The following EPHA6 variants were observed in gnomAD, a reference collection of about 807,000 sequenced individuals.
The protein encoded by EPHA6 is EPH receptor A6.
Under a neutral mutation model 112.0 loss-of-function variants are expected in EPHA6, and 50 were observed. That is an observed-to-expected ratio of 0.45 (90% CI 0.36 to 0.56). The LOEUF is 0.56. Among genes scored for constraint, EPHA6 ranks in the 20% least tolerant of loss-of-function variants. EPHA6 has a pLI of 0.00. For missense variants in EPHA6, 1,280 were observed against 1,417.4 expected, an observed-to-expected ratio of 0.90 and a Z score of 1.56; for synonymous variants, 529 against 490.7, an observed-to-expected ratio of 1.08 and a Z score of -1.03.
In EPHA6 at chr3:96,855,480, CAGTT is replaced by C. The variant is rs1471698258; in HGVS notation, c.386-11343_386-11340del. Among the ~76,000 whole-genome samples, 4 of 151,506 alleles carry C rather than the reference CAGTT, an allele frequency of 2.6e-5. No individual in the cohort carries two copies. The East Asian group carries it at 7.8e-4, about 29-fold the overall frequency. ...GTGTACTTGGGCAGATGCTGGGTAA[CAGTT>C]ACTGAAACAGAGAAATCAGGAGGTG... is the stretch of plus-strand genomic sequence containing the variant. On this transcript the variant is annotated intron_variant, in intron 1 of 17. Transcript: ENST00000389672.
chr3:97,196,934 C>T (rs1234024425), intron 3 of EPHA6, among the ~76,000 whole-genome samples: 1 of 152,060 alleles, frequency 6.6e-6, no homozygotes, highest in Non-Finnish European at 1.5e-5. Flanking sequence ...AGACCTGAAT[C>T]CAGCATAGCA....
At chr3:97,532,128 G>A (rs1213392610) in intron 10 of EPHA6, among the ~76,000 whole-genome samples, 2 of 152,006 alleles carry the variant, frequency 1.3e-5, no homozygotes, top group Non-Finnish European at 2.9e-5. Flanking sequence ...TCTATCAATA[G>A]TATTTCCTGT....
At chr3:97,434,617 A>G (rs561039742) in intron 6 of EPHA6, among the ~76,000 whole-genome samples, 2 of 152,258 alleles carry the variant, frequency 1.3e-5, no homozygotes, top group Admixed American at 1.3e-4. Context: ...AATGCAGAAT[A>G]ATGTTTAATC....
chr3:97,535,842 G>A (rs918974136), intron 11 of EPHA6, among the ~76,000 whole-genome samples: 54 of 151,954 alleles, frequency 3.6e-4, no homozygotes, highest in African/African-American at 1.3e-3. Flanking sequence ...TTCTTAATAT[G>A]CATTTTTTTT....
At chr3:96,920,041 A>G (rs1231843974) in intron 2 of EPHA6, among the ~76,000 whole-genome samples, 1 of 151,956 alleles carries the variant, frequency 6.6e-6, no homozygotes, top group African/African-American at 2.4e-5. Context: ...GAGATTTCTT[A>G]AAGACTACTG....
intron 10 of EPHA6, among the ~76,000 whole-genome samples, chr3:97,519,871 T>C (rs921912135): frequency 2.6e-5 from 4 of 152,020 alleles, no homozygotes; most frequent in Admixed American, 1.3e-4. Context: ...GATCTAAGAG[T>C]TTTTGATGAA....
chr3:97,619,438 G>A (rs77884140), intron 13 of EPHA6, among the ~76,000 whole-genome samples: 5 of 148,464 alleles, frequency 3.4e-5, no homozygotes, highest in African/African-American at 4.9e-5. Flanking sequence ...GAAAAAGGGG[G>A]GGGGGGGCAT....
chr3:97,599,004 C>A (rs1045332996), intron 12 of EPHA6, among the ~76,000 whole-genome samples: 1 of 152,086 alleles, frequency 6.6e-6, no homozygotes, highest in Non-Finnish European at 1.5e-5. Context: ...ATTTGCATTT[C>A]TCTGATGACC....
chr3:97,013,135 A>T (rs1358029530), intron 3 of EPHA6, among the ~76,000 whole-genome samples: 2 of 151,986 alleles, frequency 1.3e-5, no homozygotes, highest in African/African-American at 2.4e-5. Flanking sequence ...TTTTTGTTAC[A>T]ATTGCTTTTG....
intron 3 of EPHA6, among the ~76,000 whole-genome samples, chr3:97,048,763 G>T (rs2045591566): frequency 6.6e-6 from 1 of 152,084 alleles, no homozygotes; most frequent in Admixed American, 6.6e-5. Context: ...TGCTTTTAAA[G>T]ACCTTATTTA....
intron 5 of EPHA6, among the ~76,000 whole-genome samples, chr3:97,257,122 A>G (rs1023356524): frequency 6.6e-6 from 1 of 152,038 alleles, no homozygotes; most frequent in East Asian, 1.9e-4. Context: ...TATTTAGAAT[A>G]TTCCAAATCA....
intron 13 of EPHA6, among the ~76,000 whole-genome samples, chr3:97,615,774 G>A (rs2093760556): frequency 6.6e-6 from 1 of 152,032 alleles, no homozygotes; most frequent in African/African-American, 2.4e-5. Flanking sequence ...TCCCAACTGG[G>A]CCCTCCAGCC....
chr3:97,231,583 GA>G (rs1339509268), intron 4 of EPHA6, among the ~76,000 whole-genome samples: 1 of 152,156 alleles, frequency 6.6e-6, no homozygotes, highest in African/African-American at 2.4e-5. Flanking sequence ...CTTTGTAGGG[GA>G]AAGGAAATGG....
intron 14 of EPHA6, among the ~76,000 whole-genome samples, chr3:97,654,302 A>G (rs535619044): frequency 1.3e-5 from 2 of 151,876 alleles, no homozygotes; most frequent in Non-Finnish European, 2.9e-5. Context: ...TGGGGAGAAA[A>G]CATTAAATAA....
chr3:97,012,234 C>A (rs977031263), intron 3 of EPHA6, among the ~76,000 whole-genome samples: 4 of 151,924 alleles, frequency 2.6e-5, no homozygotes, highest in African/African-American at 9.7e-5. Context: ...AACCTACAAA[C>A]TGCTTTCCAT....
chr3:97,319,985 CT>C (rs2082032959), intron 5 of EPHA6, among the ~76,000 whole-genome samples: 2 of 151,990 alleles, frequency 1.3e-5, no homozygotes, highest in African/African-American at 4.8e-5. Context: ...CAAAATCTCA[CT>C]TTAAAAACTC....
intron 3 of EPHA6, among the ~76,000 whole-genome samples, chr3:97,118,766 T>G (rs899554844): frequency 6.6e-6 from 1 of 151,968 alleles, no homozygotes; most frequent in Non-Finnish European, 1.5e-5. Context: ...CTGTAAATGG[T>G]ACTAGCAACA....
At chr3:97,551,275 A>T (rs1473534175) in intron 11 of EPHA6, among the ~76,000 whole-genome samples, 1 of 152,194 alleles carries the variant, frequency 6.6e-6, no homozygotes, top group Non-Finnish European at 1.5e-5. Context: ...TGAATACAGA[A>T]ATAGAGCACA....
chr3:97,441,069 G>A (rs1434389267), intron 6 of EPHA6, among the ~76,000 whole-genome samples: 1 of 151,946 alleles, frequency 6.6e-6, no homozygotes, highest in African/African-American at 2.4e-5. Context: ...CCCATGTTGT[G>A]TCAGTTATTG....
Sources: gnomAD v4.1 joint callset for allele counts (sites outside exome capture counted in the v4.1 genomes callset) on GRCh38, gnomAD v4.1.1 for gene constraint, MANE v1.5 for transcripts, NCBI Gene and HGNC (gene_info 2026-07-23, HGNC 2026-07-21) for gene names.